CNTNAP2: variants seen among roughly 807,000 people sequenced by gnomAD.
CNTNAP2 encodes the protein contactin associated protein 2.
Under a neutral mutation model 155.2 loss-of-function variants are expected in CNTNAP2, and 98 were observed. The ratio of observed to expected loss-of-function variants is 0.63; its 90% CI spans 0.54 to 0.75. The LOEUF (loss-of-function observed/expected upper bound fraction) is 0.75. Ranked by LOEUF, CNTNAP2 falls within the 30% of genes least tolerant of loss-of-function variation. CNTNAP2 has a pLI of 0.00. For missense variants in CNTNAP2, 1,727 were observed against 1,688.1 expected (o/e 1.02, Z -0.40); for synonymous variants, 651 against 631.2 (o/e 1.03, Z -0.47).
intron 1 of CNTNAP2, among the ~76,000 whole-genome samples, chr7:146,298,352 A>G (rs1407427101): frequency 1.3e-5 from 2 of 152,242 alleles, no homozygotes; most frequent in Non-Finnish European, 2.9e-5. Flanking sequence ...GCATAAAAAA[A>G]GAATGTACAG....
intron 3 of CNTNAP2, among the ~76,000 whole-genome samples, chr7:146,864,990 T>TAAAAA (rs55646482): frequency 0.018 from 1,480 of 83,946 alleles, 62 homozygotes; most frequent in African/African-American, 0.071. Context: ...AGAGTCTATC[T>TAAAAA]AAAAAAAAAA....
chr7:146,239,246 C>G (rs528628440), intron 1 of CNTNAP2, among the ~76,000 whole-genome samples: 2 of 152,184 alleles, frequency 1.3e-5, no homozygotes, highest in East Asian at 3.9e-4. Flanking sequence ...TTCTGCAGCT[C>G]CGGCTTTGTA....
chr7:148,166,351 T>C (rs1228772652), intron 17 of CNTNAP2, among the ~76,000 whole-genome samples: 1 of 152,176 alleles, frequency 6.6e-6, no homozygotes, highest in Non-Finnish European at 1.5e-5. Flanking sequence ...AAATATTTTT[T>C]GAATGAATAA....
intron 3 of CNTNAP2, among the ~76,000 whole-genome samples, chr7:146,965,870 T>C (rs1051969009): frequency 6.6e-6 from 1 of 152,316 alleles, no homozygotes; most frequent in South Asian, 2.1e-4. Context: ...CACATGACCA[T>C]GGTTTTGAGA....
chr7:147,743,172 G>A (rs183879273), intron 13 of CNTNAP2, among the ~76,000 whole-genome samples: 2 of 152,306 alleles, frequency 1.3e-5, no homozygotes, highest in Admixed American at 1.3e-4. Context: ...ACGAGAATGG[G>A]CCAGCCCCTA....
intron 16 of CNTNAP2, among the ~76,000 whole-genome samples, chr7:148,121,013 T>G (rs1427455547): frequency 6.6e-6 from 1 of 152,098 alleles, no homozygotes; most frequent in African/African-American, 2.4e-5. Flanking sequence ...TGTCGCTGTC[T>G]CATCAATCAC....
intron 4 of CNTNAP2, among the ~76,000 whole-genome samples, chr7:147,104,032 T>TG (rs2129278462): frequency 6.6e-6 from 1 of 152,202 alleles, no homozygotes; most frequent in South Asian, 2.1e-4. Flanking sequence ...AAAGTATTAG[T>TG]GAAACCCTGG....
chr7:146,131,432 G>A (rs1797711709), intron 1 of CNTNAP2, among the ~76,000 whole-genome samples: 1 of 152,094 alleles, frequency 6.6e-6, no homozygotes, highest in Middle Eastern at 3.2e-3. Flanking sequence ...GTTTTTATTA[G>A]AGAGGTATGC....
chr7:146,260,452 AG>A, intron 1 of CNTNAP2, among the ~76,000 whole-genome samples: 1 of 152,318 alleles, frequency 6.6e-6, no homozygotes, highest in East Asian at 1.9e-4. Flanking sequence ...AGCCCATGAA[AG>A]TAGCCATGGG....
At chr7:148,285,033 A>G (rs59146381) in intron 21 of CNTNAP2, among the ~76,000 whole-genome samples, 20,502 of 152,220 alleles carry the variant, frequency 0.13, 1,670 homozygotes, top group African/African-American at 0.23. Context: ...TGTTTGCATG[A>G]AAGAATTATT....
intron 10 of CNTNAP2, among the ~76,000 whole-genome samples, chr7:147,442,239 C>G (rs1040773039): frequency 1.3e-5 from 2 of 152,142 alleles, no homozygotes; most frequent in East Asian, 3.9e-4. Flanking sequence ...CCTTCCCACT[C>G]TTCTCTCCCC....
chr7:147,154,553 T>A (rs1219878713), intron 8 of CNTNAP2, among the ~76,000 whole-genome samples: 1 of 152,160 alleles, frequency 6.6e-6, no homozygotes, highest in Admixed American at 6.5e-5. Context: ...ATCTTCCATT[T>A]TATATATTAA....
intron 8 of CNTNAP2, among the ~76,000 whole-genome samples, chr7:147,257,804 T>C (rs1754774543): frequency 6.6e-6 from 1 of 152,178 alleles, no homozygotes; most frequent in Admixed American, 6.5e-5. Flanking sequence ...CCAGGCTTCA[T>C]GAAAAATATG....
At chr7:147,462,909 G>A (rs1017401846) in intron 10 of CNTNAP2, among the ~76,000 whole-genome samples, 2 of 152,146 alleles carry the variant, frequency 1.3e-5, no homozygotes, top group African/African-American at 4.8e-5. Context: ...CAAGTGTATC[G>A]AGAAGTAACA....
chr7:146,261,709 G>C (rs547298308), intron 1 of CNTNAP2, among the ~76,000 whole-genome samples: 46 of 152,142 alleles, frequency 3.0e-4, no homozygotes, highest in African/African-American at 1.1e-3. Context: ...GGTTGTAGCT[G>C]AACAGTTTTA....
intron 1 of CNTNAP2, among the ~76,000 whole-genome samples, chr7:146,426,713 G>A (rs998684975): frequency 4.6e-5 from 7 of 151,148 alleles, no homozygotes; most frequent in Non-Finnish European, 4.4e-5. Context: ...GGAGATATTG[G>A]AGACGTGTTG....
intron 9 of CNTNAP2, among the ~76,000 whole-genome samples, chr7:147,331,227 A>G (rs1162047027): frequency 1.3e-5 from 2 of 152,134 alleles, no homozygotes; most frequent in Non-Finnish European, 2.9e-5. Context: ...TTCCCTGGTA[A>G]AAGCTAAAGA....
intron 11 of CNTNAP2, among the ~76,000 whole-genome samples, chr7:147,497,470 C>G (rs1228053190): frequency 6.6e-6 from 1 of 152,200 alleles, no homozygotes; most frequent in Non-Finnish European, 1.5e-5. Context: ...TTAAACATGT[C>G]TTTCTTGCCA....
chr7:147,741,791 CTCA>C (rs1796960641), intron 13 of CNTNAP2, among the ~76,000 whole-genome samples: 2 of 152,148 alleles, frequency 1.3e-5, no homozygotes, highest in African/African-American at 2.4e-5. Flanking sequence ...CTTTGTGCTC[CTCA>C]TAACATGTTG....
Sources: allele counts gnomAD v4.1 joint callset (sites outside exome capture counted in the v4.1 genomes callset), GRCh38; gene constraint gnomAD v4.1.1; transcripts MANE v1.5; gene names NCBI Gene and HGNC (gene_info 2026-07-23, HGNC 2026-07-21).